Variants in SRGAP3 observed in about 807,000 individuals in gnomAD.
The protein encoded by SRGAP3 is SLIT-ROBO Rho GTPase-activating protein 3.
Under a neutral mutation model 121.1 loss-of-function variants are expected in SRGAP3, and 39 were observed. The observed-to-expected ratio is 0.32, with a 90% confidence interval of 0.25 to 0.42. SRGAP3 has a LOEUF of 0.42. SRGAP3 is among the 10% of genes least tolerant of loss of function. SRGAP3 has a pLI of 1.00. For synonymous variants in SRGAP3, 601 were observed against 570.0 expected (o/e 1.05, Z -0.77); for missense variants, 1,213 against 1,470.6 (o/e 0.82, Z 2.86).
chr3:9,347,960 C>T (rs570768790), intron 1 of SRGAP3, among the ~76,000 whole-genome samples: 2 of 152,144 alleles, frequency 1.3e-5, no homozygotes, highest in Non-Finnish European at 2.9e-5. Context: ...TTTCTACTGC[C>T]AAGAGTAGCA....
intron 3 of SRGAP3, among the ~76,000 whole-genome samples, chr3:9,290,548 G>A (rs999317499): frequency 4.2e-4 from 64 of 152,108 alleles, no homozygotes; most frequent in African/African-American, 1.5e-3. Flanking sequence ...AGATCACAAG[G>A]TTCATAAAGT....
chr3:9,024,140 C>T (rs1944066985), intron 14 of SRGAP3, among the ~76,000 whole-genome samples: 1 of 152,070 alleles, frequency 6.6e-6, no homozygotes, highest in Non-Finnish European at 1.5e-5. Flanking sequence ...GTAAACCATA[C>T]CTTTTGGGAT....
At chr3:9,360,617 C>T (rs990659878) in intron 1 of SRGAP3, among the ~76,000 whole-genome samples, 1 of 152,170 alleles carries the variant, frequency 6.6e-6, no homozygotes, top group East Asian at 1.9e-4. Context: ...GGAGGCCTCA[C>T]AATCATGGTG....
intron 1 of SRGAP3, among the ~76,000 whole-genome samples, chr3:9,201,301 G>A (rs772324648): frequency 6.6e-6 from 1 of 152,128 alleles, no homozygotes; most frequent in African/African-American, 2.4e-5. Flanking sequence ...AAGCTCCTCC[G>A]ACATCCACTG....
At chr3:9,077,381 AC>A (rs1307941049) in intron 4 of SRGAP3, among the ~76,000 whole-genome samples, 1 of 152,258 alleles carries the variant, frequency 6.6e-6, no homozygotes, top group African/African-American at 2.4e-5. Flanking sequence ...CTTGAATTTA[AC>A]TGAGTTTCTG....
chr3:9,019,615 A>T (rs1471487858), intron 14 of SRGAP3, among the ~76,000 whole-genome samples: 1 of 152,240 alleles, frequency 6.6e-6, no homozygotes, highest in Non-Finnish European at 1.5e-5. Context: ...GCAGAACTGG[A>T]AACTCATCCT....
At chr3:9,349,571 G>A (rs1204309470) in intron 1 of SRGAP3, 1 of 175,186 alleles carries the variant, frequency 5.7e-6, no homozygotes, top group Non-Finnish European at 1.2e-5. Flanking sequence ...CTGCCTGGGG[G>A]CTCTATTCAT....
intron 1 of SRGAP3, among the ~76,000 whole-genome samples, chr3:9,213,764 G>C (rs1436281547): frequency 6.6e-6 from 1 of 152,198 alleles, no homozygotes; most frequent in Non-Finnish European, 1.5e-5. Flanking sequence ...CCCACTTCTT[G>C]TGACATTCTC....
intron 3 of SRGAP3, among the ~76,000 whole-genome samples, chr3:9,270,637 TTATA>T (rs916240300): frequency 1.1e-4 from 16 of 152,332 alleles, no homozygotes; most frequent in African/African-American, 3.6e-4. Flanking sequence ...AATACAAATA[TTATA>T]TACACACATA....
At chr3:9,255,650 A>C (rs998168979) in intron 3 of SRGAP3, among the ~76,000 whole-genome samples, 2 of 152,164 alleles carry the variant, frequency 1.3e-5, no homozygotes, top group African/African-American at 2.4e-5. Flanking sequence ...GGATGGAGTC[A>C]GTCCCGAACA....
At chr3:9,050,092 G>A (rs764631505) in intron 9 of SRGAP3, among the ~76,000 whole-genome samples, 6 of 152,154 alleles carry the variant, frequency 3.9e-5, no homozygotes, top group African/African-American at 1.2e-4. Flanking sequence ...TGCACACCTC[G>A]GTTCCCAAAG....
At chr3:9,259,301 G>C (rs2648513) in intron 3 of SRGAP3, among the ~76,000 whole-genome samples, 32,556 of 151,572 alleles carry the variant, frequency 0.21, 4,401 homozygotes, top group Non-Finnish European at 0.3. Flanking sequence ...TTTTTAGAGA[G>C]AGGGTCATGC....
At chr3:9,102,916 T>C (rs1282924906) in intron 3 of SRGAP3, among the ~76,000 whole-genome samples, 1 of 152,172 alleles carries the variant, frequency 6.6e-6, no homozygotes, top group East Asian at 1.9e-4. Context: ...GGAAAAAAGA[T>C]GTGACAGCAG....
At chr3:9,362,507 C>G (rs202108217) in intron 1 of SRGAP3, among the ~76,000 whole-genome samples, 1 of 151,320 alleles carries the variant, frequency 6.6e-6, no homozygotes, top group East Asian at 2.0e-4. Context: ...TGATTGGGCA[C>G]AGTGGCTCAT....
chr3:9,011,963 T>A (rs1307255770), intron 17 of SRGAP3, among the ~76,000 whole-genome samples: 2 of 152,218 alleles, frequency 1.3e-5, no homozygotes, highest in African/African-American at 4.8e-5. Context: ...ACTAATTACA[T>A]ATATTGCAGC....
intron 1 of SRGAP3, among the ~76,000 whole-genome samples, chr3:9,129,767 CTT>C (rs112562712): frequency 3.4e-5 from 5 of 145,678 alleles, no homozygotes; most frequent in African/African-American, 1.0e-4. Flanking sequence ...TACTATTTCC[CTT>C]TTTTTTTTTT....
intron 1 of SRGAP3, among the ~76,000 whole-genome samples, chr3:9,158,868 G>C (rs191511337): frequency 1.3e-5 from 2 of 152,164 alleles, no homozygotes; most frequent in African/African-American, 2.4e-5. Context: ...GGCCTCAGCT[G>C]CCTGCAGGAA....
At chr3:9,329,821 A>T (rs568437587) in intron 2 of SRGAP3, among the ~76,000 whole-genome samples, 1 of 152,160 alleles carries the variant, frequency 6.6e-6, no homozygotes, top group Non-Finnish European at 1.5e-5. Flanking sequence ...GATCCTGTAC[A>T]TGCCTAATCC....
intron 3 of SRGAP3, among the ~76,000 whole-genome samples, chr3:9,298,183 T>C (rs1471568809): frequency 6.6e-6 from 1 of 152,214 alleles, no homozygotes; most frequent in Non-Finnish European, 1.5e-5. Flanking sequence ...TAGGAATATA[T>C]ATATCTCGTG....
Sources: allele counts gnomAD v4.1 joint callset (sites outside exome capture counted in the v4.1 genomes callset), GRCh38; gene constraint gnomAD v4.1.1; transcripts MANE v1.5; gene names NCBI Gene and HGNC (gene_info 2026-07-23, HGNC 2026-07-21).